PAFAH1B1: variants seen among roughly 807,000 people sequenced by gnomAD.
PAFAH1B1 encodes the protein platelet-activating factor acetylhydrolase IB subunit beta.
A neutral mutation model predicts 57.5 loss-of-function variants in PAFAH1B1; 2 were observed. That is an observed-to-expected ratio of 0.03 (90% CI 0.01 to 0.11). The LOEUF (loss-of-function observed/expected upper bound fraction) is 0.11. PAFAH1B1 is among the 10% of genes least tolerant of loss of function. PAFAH1B1 has a pLI of 1.00. For missense variants in PAFAH1B1, 257 were observed against 512.0 expected (o/e 0.50, Z 4.81); for synonymous variants, 152 against 169.6 (o/e 0.90, Z 0.81).
intron 9 of PAFAH1B1, among the ~76,000 whole-genome samples, chr17:2,679,314 G>A (rs1597579763): frequency 2.0e-5 from 3 of 152,178 alleles, no homozygotes; most frequent in South Asian, 2.1e-4. Flanking sequence ...GAACTGCTGC[G>A]ACAGGGGAAA....
At chr17:2,627,728 T>A (rs1432370508) in intron 1 of PAFAH1B1, among the ~76,000 whole-genome samples, 2 of 152,236 alleles carry the variant, frequency 1.3e-5, no homozygotes, top group South Asian at 2.1e-4. Context: ...TGGGATGTGT[T>A]TCCATTTGTT....
At chr17:2,618,748 AG>A (rs1192053463) in intron 1 of PAFAH1B1, among the ~76,000 whole-genome samples, 1 of 149,620 alleles carries the variant, frequency 6.7e-6, no homozygotes, top group Non-Finnish European at 1.5e-5. Flanking sequence ...CCTGGGTTCA[AG>A]TGATTCTCCT....
rs969024363 is a variant in PAFAH1B1 at position 2,684,458 on chromosome 17, A to G, written c.*2656A>G. 2.0e-5 allele frequency: 3 copies of G among 152,662 alleles called. No individual in the cohort carries two copies. The highest frequency in any genetic ancestry group is 7.2e-5 in the African/African-American group (3 of 41,438). 9.5% of individuals were successfully genotyped at this position (152,662 alleles called of 1,614,324 possible). ...TCACTGCTGCTTTGTCACTTTCTCA[A>G]TCAAATTGGCCACTTAAGAAATAAA... On this transcript the variant is annotated 3_prime_UTR_variant, in exon 11 of 11. Coordinates refer to ENST00000397195, the MANE Select transcript of PAFAH1B1 (RefSeq NM_000430.4).
intron 1 of PAFAH1B1, among the ~76,000 whole-genome samples, chr17:2,625,335 T>C (rs1465087005): frequency 6.6e-6 from 1 of 152,230 alleles, no homozygotes; most frequent in African/African-American, 2.4e-5. Context: ...ACTGCCAAAA[T>C]ACATTTCAAA....
intron 2 of PAFAH1B1, among the ~76,000 whole-genome samples, chr17:2,642,888 A>G (rs889501446): frequency 6.6e-6 from 1 of 152,010 alleles, no homozygotes; most frequent in Non-Finnish European, 1.5e-5. Context: ...TAATTTTTTT[A>G]ATATATAAAC....
intron 1 of PAFAH1B1, among the ~76,000 whole-genome samples, chr17:2,625,959 C>T (rs777764843): frequency 3.3e-5 from 5 of 151,700 alleles, no homozygotes; most frequent in Non-Finnish European, 2.9e-5. Context: ...AACAGAAAAA[C>T]GTTAATAAAA....
At chr17:2,604,903 G>A (rs1457359148) in intron 1 of PAFAH1B1, among the ~76,000 whole-genome samples, 2 of 152,194 alleles carry the variant, frequency 1.3e-5, no homozygotes, top group African/African-American at 4.8e-5. Flanking sequence ...ACTATTTTAT[G>A]TATGCTGGTA....
At chr17:2,676,394 C>G in intron 8 of PAFAH1B1, 111 bp from the exon 9 acceptor site, 1 of 761,480 alleles carries the variant, frequency 1.3e-6, no homozygotes, top group South Asian at 1.5e-5. Flanking sequence ...AACAAAAAAC[C>G]AAAATGCAAC....
chr17:2,663,944 C>G (rs193132390), intron 2 of PAFAH1B1, among the ~76,000 whole-genome samples: 1 of 152,022 alleles, frequency 6.6e-6, no homozygotes, highest in Non-Finnish European at 1.5e-5. Flanking sequence ...GCGCCCACCT[C>G]GGGCTCCCAA....
At chr17:2,674,637 A>T (rs1329226085) in intron 8 of PAFAH1B1, among the ~76,000 whole-genome samples, 1 of 152,228 alleles carries the variant, frequency 6.6e-6, no homozygotes, top group Admixed American at 6.5e-5. Context: ...TAATGAAGAT[A>T]ATGATTTTAT....
chr17:2,684,949 CTATT>C lies in PAFAH1B1; in HGVS notation c.*3150_*3153del, dbSNP rs2069452648. ...TTCTTTAAACTTAATTAAAGAAAAA[CTATT>C]TAAAGGTAAAGGATATTTTGTTGAC... On this transcript the variant is annotated 3_prime_UTR_variant, in exon 11 of 11. Transcript: ENST00000397195. The C allele has an allele frequency of 6.6e-6, 1 of 151,922 alleles. No homozygotes were observed. Among genetic ancestry groups the C allele is most frequent in the South Asian group, 2.1e-4 (1 of 4,816 alleles). 9.4% of individuals were successfully genotyped at this position (151,922 alleles called of 1,614,324 possible). A position where few individuals can be genotyped will look rare whatever the true frequency, so the allele number is the denominator to read the frequency against.
chr17:2,661,856 G>A (rs966787896), intron 2 of PAFAH1B1: 6 of 152,006 alleles, frequency 3.9e-5, no homozygotes, highest in African/African-American at 9.7e-5. Flanking sequence ...AGCACTCTGG[G>A]AGGCTGACGT....
chr17:2,631,528 G>A (rs1008537036), intron 1 of PAFAH1B1, among the ~76,000 whole-genome samples: 15 of 152,108 alleles, frequency 9.9e-5, no homozygotes, highest in African/African-American at 3.4e-4. Context: ...GTGAGCTCCC[G>A]GGGCCTTTCT....
intron 2 of PAFAH1B1, among the ~76,000 whole-genome samples, chr17:2,654,928 C>T (rs577867635): frequency 1.3e-5 from 2 of 151,842 alleles, no homozygotes; most frequent in South Asian, 2.1e-4. Context: ...AGGTGTGAGC[C>T]ACCCTGCGTG....
chr17:2,677,003 AT>A (rs2069279531), intron 9 of PAFAH1B1, among the ~76,000 whole-genome samples: 1 of 152,154 alleles, frequency 6.6e-6, no homozygotes, highest in Non-Finnish European at 1.5e-5. Context: ...AATACAAAAA[AT>A]TAGCTGGGCG....
intron 2 of PAFAH1B1, among the ~76,000 whole-genome samples, chr17:2,654,190 CT>C (rs34079979): frequency 0.97 from 131,966 of 136,348 alleles, 63,858 homozygotes; most frequent in East Asian, 0.99. Context: ...TCTTTTAAAC[CT>C]TTTTTTTTTT....
chr17:2,638,379 A>C, intron 2 of PAFAH1B1, 59 bp downstream of exon 2: 3 of 1,376,212 alleles, frequency 2.2e-6, no homozygotes, highest in South Asian at 1.2e-5. Context: ...GAAAGTAGTA[A>C]ATTAAAATAC....
At chr17:2,642,148 A>C (rs567894708) in intron 2 of PAFAH1B1, 35 of 152,312 alleles carry the variant, frequency 2.3e-4, no homozygotes, top group African/African-American at 7.7e-4. Context: ...ATCTTCTCTC[A>C]TACCATTTAT....
chr17:2,681,597 G>C (rs1336425024), intron 10 of PAFAH1B1, 132 bp from the exon 11 acceptor site: 1 of 682,946 alleles, frequency 1.5e-6, no homozygotes, highest in East Asian at 2.7e-5. Context: ...GAGTAGCTGG[G>C]ACTACAGGCA....
Sources: allele counts gnomAD v4.1 joint callset (sites outside exome capture counted in the v4.1 genomes callset), GRCh38; gene constraint gnomAD v4.1.1; transcripts MANE v1.5; gene names NCBI Gene and HGNC (gene_info 2026-07-23, HGNC 2026-07-21).